The following GABRG3 variants were observed in gnomAD, a reference collection of about 807,000 sequenced individuals.
The protein encoded by GABRG3 is gamma-aminobutyric acid type A receptor subunit gamma3.
GABRG3 carries 25 observed loss-of-function variants against 48.8 expected under a neutral mutation model. The ratio of observed to expected loss-of-function variants is 0.51; its 90% CI spans 0.37 to 0.72. The LOEUF is 0.72. Ranked by LOEUF, GABRG3 falls within the 30% of genes least tolerant of loss-of-function variation. The pLI is 0.00. For missense variants in GABRG3, 394 were observed against 577.9 expected (o/e 0.68, Z 3.26); for synonymous variants, 227 against 217.6 (o/e 1.04, Z -0.38).
intron 3 of GABRG3, among the ~76,000 whole-genome samples, chr15:27,307,149 A>C (rs1892597436): frequency 1.5e-5 from 2 of 133,882 alleles, no homozygotes; most frequent in Admixed American, 1.6e-4. Context: ...TACATATATA[A>C]ACATATAAAA....
intron 5 of GABRG3, among the ~76,000 whole-genome samples, chr15:27,464,996 AG>A (rs1253625657): frequency 6.6e-6 from 1 of 151,982 alleles, no homozygotes; most frequent in African/African-American, 2.4e-5. Context: ...TAAATATGTA[AG>A]TCTTTATGAA....
chr15:27,487,651 C>A (rs922861255), intron 6 of GABRG3, among the ~76,000 whole-genome samples: 5 of 152,172 alleles, frequency 3.3e-5, no homozygotes, highest in African/African-American at 1.2e-4. Context: ...AGTACATCCC[C>A]TGGCATGGAT....
intron 5 of GABRG3, among the ~76,000 whole-genome samples, chr15:27,358,923 C>T (rs950473755): frequency 6.6e-6 from 1 of 152,210 alleles, no homozygotes; most frequent in Non-Finnish European, 1.5e-5. Flanking sequence ...GTGCAGAGGG[C>T]GCTTCTCCCG....
intron 3 of GABRG3, among the ~76,000 whole-genome samples, chr15:27,123,547 A>G (rs1167375260): frequency 6.6e-6 from 1 of 152,190 alleles, no homozygotes; most frequent in Admixed American, 6.5e-5. Flanking sequence ...ACTGTGAGCA[A>G]TACATTTCTG....
chr15:27,041,535 A>C (rs1257991039), intron 3 of GABRG3, among the ~76,000 whole-genome samples: 1 of 152,144 alleles, frequency 6.6e-6, no homozygotes, highest in African/African-American at 2.4e-5. Context: ...ATCTTCCTAG[A>C]TCTCATGGTG....
At chr15:27,151,058 A>G (rs1292442384) in intron 3 of GABRG3, among the ~76,000 whole-genome samples, 2 of 152,220 alleles carry the variant, frequency 1.3e-5, no homozygotes, top group African/African-American at 2.4e-5. Context: ...CTTTATATAC[A>G]GAAGCAAAAA....
At chr15:27,426,275 C>T (rs1042903022) in intron 5 of GABRG3, among the ~76,000 whole-genome samples, 5 of 152,102 alleles carry the variant, frequency 3.3e-5, no homozygotes, top group African/African-American at 7.2e-5. Flanking sequence ...TAAAGCAGGC[C>T]TCGTTTTGTT....
chr15:26,991,731 T>A (rs1895252492), intron 2 of GABRG3, among the ~76,000 whole-genome samples: 1 of 152,180 alleles, frequency 6.6e-6, no homozygotes. Flanking sequence ...TTCTTTCTTT[T>A]TTTTTCTGAG....
chr15:27,179,285 C>T lies in GABRG3; in HGVS notation c.271-147524C>T, dbSNP rs1300402325. Among the ~76,000 whole-genome samples, 2 of 152,216 alleles carry T rather than the reference C, an allele frequency of 1.3e-5. No individual in the cohort carries two copies. Among genetic ancestry groups the T allele is most frequent in the Non-Finnish European group, 2.9e-5 (2 of 68,042 alleles). ...CCCGCGTGGCAATCCACCTTCCCCT[C>T]AGGAGCAGCTGTAACAATTTCCCAC... On this transcript the variant is annotated intron_variant, in intron 3 of 9. Transcript: ENST00000615808. The surrounding 1 kb of genome is among the most constrained non-coding windows in gnomAD (Gnocchi z 4.0).
chr15:27,392,404 A>G (rs1032246196), intron 5 of GABRG3, among the ~76,000 whole-genome samples: 2 of 152,114 alleles, frequency 1.3e-5, no homozygotes, highest in African/African-American at 4.8e-5. Flanking sequence ...AATGCACCTC[A>G]ATTGGGAATT....
intron 5 of GABRG3, among the ~76,000 whole-genome samples, chr15:27,461,915 A>C (rs12906172): frequency 0.1 from 15,397 of 152,126 alleles, 1,442 homozygotes; most frequent in African/African-American, 0.24. Flanking sequence ...AAAGTTGCCC[A>C]TCTCACGAGA....
At chr15:27,190,373 G>A (rs1888252010) in intron 3 of GABRG3, among the ~76,000 whole-genome samples, 1 of 152,056 alleles carries the variant, frequency 6.6e-6, no homozygotes, top group African/African-American at 2.4e-5. Context: ...TTTTTGGTTG[G>A]TAAGCTATTG....
intron 3 of GABRG3, among the ~76,000 whole-genome samples, chr15:27,063,974 A>G (rs781292672): frequency 1.3e-5 from 2 of 152,116 alleles, no homozygotes; most frequent in African/African-American, 2.4e-5. Flanking sequence ...TCCATCCCTT[A>G]CTGCCCTCTA....
intron 6 of GABRG3, among the ~76,000 whole-genome samples, chr15:27,506,291 A>G (rs1018623460): frequency 7.2e-5 from 11 of 152,216 alleles, no homozygotes; most frequent in African/African-American, 2.4e-5. Context: ...TAAGACATGG[A>G]AATTATCTGG....
intron 2 of GABRG3, among the ~76,000 whole-genome samples, chr15:27,004,275 G>A (rs1345677463): frequency 1.3e-5 from 2 of 151,742 alleles, no homozygotes; most frequent in African/African-American, 2.4e-5. Context: ...CTCAGACGGG[G>A]CGGCCGGGCA....
At chr15:27,215,101 T>C (rs1489590206) in intron 3 of GABRG3, among the ~76,000 whole-genome samples, 1 of 152,238 alleles carries the variant, frequency 6.6e-6, no homozygotes, top group Non-Finnish European at 1.5e-5. Flanking sequence ...GTCTGCCAGT[T>C]TCTTAGCTAA....
In GABRG3 at chr15:27,324,696, T is replaced by G. The variant is rs577103825; in HGVS notation, c.271-2113T>G. On this transcript the variant is annotated intron_variant, in intron 3 of 9. Coordinates refer to ENST00000615808, the MANE Select transcript of GABRG3 (RefSeq NM_033223.5). The stretch of plus-strand genomic sequence containing the variant: ...GAACTTCCTTAAAACCGAGCCAACT[T>G]TCTACCTGAGGCCAGCTTCACATGT... 7.4e-4 allele frequency among the ~76,000 whole-genome samples: 113 copies of G among 152,286 alleles called. 1 individual carries two copies. The highest frequency in any genetic ancestry group is 2.6e-3 in the African/African-American group (107 of 41,566).
intron 3 of GABRG3, among the ~76,000 whole-genome samples, chr15:27,298,911 G>A (rs1382752282): frequency 6.6e-6 from 1 of 151,754 alleles, no homozygotes; most frequent in African/African-American, 2.4e-5. Context: ...TTTTTATCCA[G>A]CAGCAAAAAA....
In GABRG3 at chr15:27,050,628, G is replaced by T. The variant is rs568006742; in HGVS notation, c.270+23807G>T. On this transcript the variant is annotated intron_variant, in intron 3 of 9. Coordinates refer to ENST00000615808, the MANE Select transcript of GABRG3 (RefSeq NM_033223.5). ...AACTCAGTAATGTAGAAGCAGCTGA[G>T]TTATTAAGATTCAGACTTCTGGAGG... 2.6e-5 allele frequency among the ~76,000 whole-genome samples: 4 copies of T among 152,322 alleles called. No individual in the cohort carries two copies. In the South Asian group the frequency reaches 8.3e-4, roughly 32 times the overall value.
Sources: gnomAD v4.1 joint callset for allele counts (sites outside exome capture counted in the v4.1 genomes callset) on GRCh38, gnomAD v4.1.1 for gene constraint, Gnocchi (gnomAD v3.1) non-coding constraint, MANE v1.5 for transcripts, NCBI Gene and HGNC (gene_info 2026-07-23, HGNC 2026-07-21) for gene names.